The following PIEZO2 variants were observed in gnomAD, a reference collection of about 807,000 sequenced individuals.
The protein encoded by PIEZO2 is piezo type mechanosensitive ion channel component 2.
In PIEZO2, 172 loss-of-function variants were observed where a neutral mutation model predicts 337.3. The ratio of observed to expected loss-of-function variants is 0.51; its 90% CI spans 0.45 to 0.58. The LOEUF is 0.58. PIEZO2 is among the 20% of genes least tolerant of loss of function. The pLI is 0.00. For missense variants in PIEZO2, 3,028 were observed against 3,391.3 expected, an observed-to-expected ratio of 0.89 and a Z score of 2.66; for synonymous variants, 1,251 against 1,228.5, an observed-to-expected ratio of 1.02 and a Z score of -0.38.
In PIEZO2 at chr18:11,126,139, C is replaced by T. The variant is rs1268776676; in HGVS notation, c.64+22386G>A. Among the ~76,000 whole-genome samples, 1 of 152,230 alleles carries T rather than the reference C, an allele frequency of 6.6e-6. No individual in the cohort carries two copies. The highest frequency in any genetic ancestry group is 1.5e-5 in the Non-Finnish European group (1 of 68,038). ...CACCAGAGGCCTGCAGCACAGGTAGCTGAGCCATATGCTCCCCCGCATAGA... is the reference window on the plus strand; with the variant it reads ...CACCAGAGGCCTGCAGCACAGGTAGTTGAGCCATATGCTCCCCCGCATAGA... On this transcript the variant is annotated intron_variant, in intron 1 of 55. Transcript: ENST00000674853. The surrounding 1 kb of genome is among the most constrained non-coding windows in gnomAD (Gnocchi z 4.6).
intron 8 of PIEZO2, among the ~76,000 whole-genome samples, chr18:10,805,958 CT>C (rs2039990351): frequency 6.6e-6 from 1 of 152,228 alleles, no homozygotes; most frequent in South Asian, 2.1e-4. Flanking sequence ...CTGTTTGCTT[CT>C]CTTGGACCAT....
At position 11,143,635 on chromosome 18, in the gene PIEZO2, ACACACTCTCTCTCTCT is replaced by A. The variant is rs1309885001; in HGVS notation, c.64+4874_64+4889del. ...CACACACACACACACACACACACAC[ACACACTCTCTCTCTCT>A]CTCTCTCTCTCTCTCTCTCTCACTC... On this transcript the variant is annotated intron_variant, in intron 1 of 55. Transcript: ENST00000674853. This position sits in a 1 kb window ranked among gnomAD's most constrained non-coding sequence, Gnocchi z 4.9. Among the ~76,000 whole-genome samples the A allele has an allele frequency of 1.7e-4, 13 of 75,942 alleles. No individual in the cohort carries two copies. The highest frequency in any genetic ancestry group is 8.8e-4 in the African/African-American group (11 of 12,528). 49.8% of individuals were successfully genotyped at this position (75,942 alleles called of 152,430 possible).
intron 47 of PIEZO2, among the ~76,000 whole-genome samples, chr18:10,694,260 A>T (rs2034987985): frequency 6.6e-6 from 1 of 152,196 alleles, no homozygotes; most frequent in African/African-American, 2.4e-5. Context: ...TCAGAACCTA[A>T]ACACTCAAAC....
At chr18:10,738,468 T>C (rs1191026655) in intron 33 of PIEZO2, 1 of 152,186 alleles carries the variant, frequency 6.6e-6, no homozygotes, top group Middle Eastern at 3.2e-3. Context: ...AGTGGAATTA[T>C]CACATAAGAA....
Position 10,774,018 on chromosome 18 carries a change from A to C in PIEZO2, c.2555T>G (p.Ile852Ser). Residue 852 changes from isoleucine to serine, a missense_variant, in exon 19 of 56, where the codon ATC (isoleucine) becomes AGC (serine). Transcript: ENST00000674853. ...IINSIKKKLPIHQNELAHPEG... is the reference protein window; with the variant it reads ...IINSIKKKLPSHQNELAHPEG... The stretch of plus-strand genomic sequence containing the variant: ...CAGGGGGACTTACTCATTTTGGTGG[A>C]TTGGTAATTTTTTCTTGATGCTGCT... 1 of 703,064 alleles carries C rather than the reference A, an allele frequency of 1.4e-6. No individual in the cohort carries two copies. 43.6% of individuals were successfully genotyped at this position (703,064 alleles called of 1,614,324 possible).
At chr18:10,679,542 T>C (rs62093956) in intron 52 of PIEZO2, among the ~76,000 whole-genome samples, 2,794 of 152,332 alleles carry the variant, frequency 0.018, 36 homozygotes, top group Middle Eastern at 0.078. Context: ...AAAACCAGTA[T>C]TAATTTAAAT....
chr18:10,720,369 G>A (rs528467054), intron 36 of PIEZO2, among the ~76,000 whole-genome samples: 701 of 8,484 alleles, frequency 0.083, 31 homozygotes, highest in African/African-American at 0.27. Flanking sequence ...TATTCTGTGT[G>A]TGTGTGTGTG....
intron 7 of PIEZO2, among the ~76,000 whole-genome samples, chr18:10,839,496 T>C (rs1489766671): frequency 6.6e-6 from 1 of 152,224 alleles, no homozygotes; most frequent in South Asian, 2.1e-4. Flanking sequence ...AGCTCTGGTC[T>C]GTTAAGCCCT....
At chr18:10,964,722 G>A (rs969524159) in intron 3 of PIEZO2, among the ~76,000 whole-genome samples, 2 of 152,110 alleles carry the variant, frequency 1.3e-5, no homozygotes, top group African/African-American at 4.8e-5. Context: ...CATCAATCCA[G>A]AGAAACACTC....
intron 1 of PIEZO2, among the ~76,000 whole-genome samples, chr18:11,139,167 T>C (rs1203038814): frequency 6.6e-6 from 1 of 152,224 alleles, no homozygotes; most frequent in Non-Finnish European, 1.5e-5. Flanking sequence ...AACAATCCTC[T>C]GAGCTATGTT....
At chr18:10,760,287 A>G (rs891417547) in intron 24 of PIEZO2, among the ~76,000 whole-genome samples, 1 of 152,206 alleles carries the variant, frequency 6.6e-6, no homozygotes, top group African/African-American at 2.4e-5. Flanking sequence ...ATGCACAAAA[A>G]GAAAGAAGAT....
In PIEZO2 at chr18:10,759,632, A is replaced by G; in HGVS notation, c.3656-49T>C. The G allele has an allele frequency of 6.5e-7, 1 of 1,534,754 alleles. No homozygotes were observed. The highest frequency in any genetic ancestry group is 8.7e-7 in the Non-Finnish European group (1 of 1,144,878). On this transcript the variant is annotated intron_variant, in intron 25 of 55. Transcript: ENST00000674853. The surrounding 1 kb of genome is among the most constrained non-coding windows in gnomAD (Gnocchi z 5.5). The stretch of plus-strand genomic sequence containing the variant: ...AGCACAATCAATACTCTTCTTCACC[A>G]CTCTTCTCCCAGCCGTCCGCTCAGT...
intron 39 of PIEZO2, among the ~76,000 whole-genome samples, chr18:10,709,973 C>T (rs4239291): frequency 0.29 from 44,078 of 152,202 alleles, 6,543 homozygotes; most frequent in East Asian, 0.4. Flanking sequence ...TGGACGAACA[C>T]AGTGAGGACT....
rs139292973 is a variant in PIEZO2, at chr18:10,807,739, T to G, written c.918-465A>C. Among the ~76,000 whole-genome samples, 574 of 151,394 alleles carry G rather than the reference T, an allele frequency of 3.8e-3. 7 individuals carry two copies. The highest frequency in any genetic ancestry group is 0.031 in the East Asian group (157 of 5,120). ...TAGTTGTACTCAGCTAGTGTTGACA[T>G]TATTGGGCTAGTTCTACAGTTTAGC... On this transcript the variant is annotated intron_variant, in intron 7 of 55. Transcript: ENST00000674853.
At chr18:10,756,490 A>T (rs2037857250) in intron 27 of PIEZO2, among the ~76,000 whole-genome samples, 1 of 150,382 alleles carries the variant, frequency 6.6e-6, no homozygotes, top group Admixed American at 6.6e-5. Context: ...GGGATGCAGG[A>T]TGAGAAGGAG....
Position 10,945,664 on chromosome 18 carries a change from T to A in PIEZO2, c.286+33871A>T, listed in dbSNP as rs193264495. Among the ~76,000 whole-genome samples the A allele has an allele frequency of 1.3e-5, 2 of 152,114 alleles. No individual in the cohort carries two copies. The highest frequency in any genetic ancestry group is 2.1e-4 in the South Asian group (1 of 4,808). ...ATCCAATAAAAAATGACCACATATATAAAGAAGCAGAAAATAGGACCCATA... is the reference window on the plus strand; with the variant it reads ...ATCCAATAAAAAATGACCACATATAAAAAGAAGCAGAAAATAGGACCCATA... On this transcript the variant is annotated intron_variant, in intron 3 of 55. Transcript: ENST00000674853. The surrounding 1 kb of genome is among the most constrained non-coding windows in gnomAD (Gnocchi z 4.0).
chr18:10,679,029 T>C (rs2034146536), intron 52 of PIEZO2, among the ~76,000 whole-genome samples: 1 of 151,766 alleles, frequency 6.6e-6, no homozygotes, highest in African/African-American at 2.4e-5. Flanking sequence ...GCCTCCCTAG[T>C]TCAAGTGATT....
At chr18:11,100,667 C>T (rs373455977) in intron 1 of PIEZO2, among the ~76,000 whole-genome samples, 6 of 152,266 alleles carry the variant, frequency 3.9e-5, no homozygotes, top group African/African-American at 1.4e-4. Flanking sequence ...ACAGTTTTGG[C>T]TCACTGCAAC....
In PIEZO2 at chr18:11,127,380, G is replaced by T. The variant is rs996005791; in HGVS notation, c.64+21145C>A. On this transcript the variant is annotated intron_variant, in intron 1 of 55. Coordinates refer to ENST00000674853, the MANE Select transcript of PIEZO2 (RefSeq NM_001378183.1). The surrounding 1 kb of genome is among the most constrained non-coding windows in gnomAD (Gnocchi z 4.5). ...GATGTATTGATCCTGGGTGTGTCTGGGAGGGTGTTGCCAAAAGAGATTACC... is the reference window on the plus strand; with the variant it reads ...GATGTATTGATCCTGGGTGTGTCTGTGAGGGTGTTGCCAAAAGAGATTACC... 2.6e-5 allele frequency among the ~76,000 whole-genome samples: 4 copies of T among 152,170 alleles called. No individual in the cohort carries two copies. The highest frequency in any genetic ancestry group is 5.9e-5 in the Non-Finnish European group (4 of 68,034).
Sources: gnomAD v4.1 joint callset for allele counts (sites outside exome capture counted in the v4.1 genomes callset) on GRCh38, gnomAD v4.1.1 for gene constraint, Gnocchi (gnomAD v3.1) non-coding constraint, MANE v1.5 for transcripts, NCBI Gene and HGNC (gene_info 2026-07-23, HGNC 2026-07-21) for gene names.